The following MAMDC2 variants were observed in gnomAD, a reference collection of about 807,000 sequenced individuals.
The protein encoded by MAMDC2 is MAM domain-containing protein 2.
In MAMDC2, 57 loss-of-function variants were observed where a neutral mutation model predicts 89.8. The ratio of observed to expected loss-of-function variants is 0.63; its 90% CI spans 0.51 to 0.79. The LOEUF is 0.79. MAMDC2 is among the 30% of genes least tolerant of loss of function. MAMDC2 has a pLI of 0.00. For synonymous variants in MAMDC2, 313 were observed against 293.4 expected, an observed-to-expected ratio of 1.07 and a Z score of -0.68; for missense variants, 800 against 820.6, an observed-to-expected ratio of 0.97 and a Z score of 0.31.
intron 2 of MAMDC2, among the ~76,000 whole-genome samples, chr9:70,070,398 G>A (rs1325870635): frequency 6.6e-6 from 1 of 152,172 alleles, no homozygotes; most frequent in African/African-American, 2.4e-5. Flanking sequence ...GGAGAGCGGA[G>A]TTTCCTTATC....
intron 4 of MAMDC2, among the ~76,000 whole-genome samples, chr9:70,111,426 T>C (rs1828508431): frequency 6.6e-6 from 1 of 152,234 alleles, no homozygotes; most frequent in South Asian, 2.1e-4. Flanking sequence ...GACTTCTTTC[T>C]TTCTGGGTAC....
intron 6 of MAMDC2, among the ~76,000 whole-genome samples, chr9:70,127,763 A>G (rs895783125): frequency 2.0e-5 from 3 of 151,308 alleles, no homozygotes; most frequent in Non-Finnish European, 2.9e-5. Context: ...CCAAAGTCCA[A>G]CCAGGTCTCG....
At chr9:70,142,624 G>A (rs772760411) in intron 8 of MAMDC2, among the ~76,000 whole-genome samples, 2 of 152,156 alleles carry the variant, frequency 1.3e-5, no homozygotes, top group Non-Finnish European at 2.9e-5. Context: ...TGCCATCAGG[G>A]TGGTTTCTGG....
chr9:70,092,873 A>G (rs1827936335), intron 2 of MAMDC2: 1 of 152,122 alleles, frequency 6.6e-6, no homozygotes, highest in Non-Finnish European at 1.5e-5. Flanking sequence ...CGCTCCCACC[A>G]TCGTAAGTCA....
At chr9:70,099,745 C>G (rs188989545) in intron 2 of MAMDC2, among the ~76,000 whole-genome samples, 1 of 151,996 alleles carries the variant, frequency 6.6e-6, no homozygotes. Context: ...GAGGCCGAGG[C>G]GGGTGGATCA....
intron 12 of MAMDC2, among the ~76,000 whole-genome samples, chr9:70,220,537 G>A (rs753009096): frequency 2.0e-5 from 3 of 152,202 alleles, no homozygotes; most frequent in Non-Finnish European, 1.5e-5. Flanking sequence ...ATATACTCAT[G>A]TGCACATAGA....
chr9:70,171,624 C>A (rs2032351673), intron 11 of MAMDC2, among the ~76,000 whole-genome samples: 1 of 152,154 alleles, frequency 6.6e-6, no homozygotes, highest in Non-Finnish European at 1.5e-5. Flanking sequence ...AGCAGAACTA[C>A]CCCTGATACT....
Position 70,205,010 on chromosome 9 carries a change from C to T in MAMDC2, c.1652-13327C>T, listed in dbSNP as rs138203079. 2.2e-3 allele frequency among the ~76,000 whole-genome samples: 333 copies of T among 152,336 alleles called. 2 individuals carry two copies. Among genetic ancestry groups the T allele is most frequent in the African/African-American group, 7.6e-3 (318 of 41,588 alleles). Reference sequence around the variant, plus strand: ...CTCAGATGGAAATGCAGAAATCACCCGTCTTCTGCCTCGCTCACGCTGGGA... The same window carrying T: ...CTCAGATGGAAATGCAGAAATCACCTGTCTTCTGCCTCGCTCACGCTGGGA... On this transcript the variant is annotated intron_variant, in intron 11 of 13. Transcript: ENST00000377182.
At chr9:70,220,918 A>G (rs2033544050) in intron 12 of MAMDC2, among the ~76,000 whole-genome samples, 1 of 152,182 alleles carries the variant, frequency 6.6e-6, no homozygotes, top group African/African-American at 2.4e-5. Flanking sequence ...AAAGGGTTTT[A>G]TAAACTTTAA....
At chr9:70,170,362 G>A (rs2032298720) in intron 10 of MAMDC2, 117 bp from the exon 11 acceptor site, 3 of 1,191,046 alleles carry the variant, frequency 2.5e-6, no homozygotes, top group African/African-American at 1.5e-5. Context: ...AGTGGGGGCT[G>A]CCTCTCCATC....
chr9:70,198,145 A>T (rs2033010257), intron 11 of MAMDC2, among the ~76,000 whole-genome samples: 1 of 135,862 alleles, frequency 7.4e-6, no homozygotes, highest in Non-Finnish European at 1.6e-5. Flanking sequence ...AGAAAAAAGC[A>T]TAGTGTGTAT....
intron 2 of MAMDC2, among the ~76,000 whole-genome samples, chr9:70,058,251 G>A (rs958252806): frequency 3.3e-5 from 5 of 152,112 alleles, no homozygotes; most frequent in Non-Finnish European, 1.5e-5. Flanking sequence ...TACAGATGAA[G>A]AAATTGGGAT....
At chr9:70,074,454 T>C (rs1488950184) in intron 2 of MAMDC2, among the ~76,000 whole-genome samples, 2 of 152,142 alleles carry the variant, frequency 1.3e-5, no homozygotes, top group Admixed American at 6.5e-5. Flanking sequence ...ACCCTGAGGG[T>C]AAGTGGCTCT....
chr9:70,210,699 T>C (rs1366112681), intron 11 of MAMDC2, among the ~76,000 whole-genome samples: 1 of 152,234 alleles, frequency 6.6e-6, no homozygotes. Flanking sequence ...ATTTTGTTCA[T>C]TAGTTGATGC....
At chr9:70,083,410 C>T (rs1024088270) in intron 2 of MAMDC2, 1 of 151,938 alleles carries the variant, frequency 6.6e-6, no homozygotes, top group Non-Finnish European at 1.5e-5. Context: ...AAGTGTTGCT[C>T]ATTCTATAGC....
intron 2 of MAMDC2, among the ~76,000 whole-genome samples, chr9:70,100,021 A>AGC (rs1554670015): frequency 2.6e-4 from 38 of 144,526 alleles, no homozygotes; most frequent in South Asian, 6.8e-4. Context: ...AGAGAGAGAG[A>AGC]GAGCACAAGC....
intron 11 of MAMDC2, among the ~76,000 whole-genome samples, chr9:70,173,368 G>GGAAT (rs748064541): frequency 2.6e-5 from 4 of 152,068 alleles, no homozygotes; most frequent in African/African-American, 7.2e-5. Flanking sequence ...AAATGCCTAT[G>GGAAT]GAATGAATGA....
At chr9:70,052,774 T>C (rs1826941407) in intron 2 of MAMDC2, among the ~76,000 whole-genome samples, 1 of 150,686 alleles carries the variant, frequency 6.6e-6, no homozygotes, top group Admixed American at 6.6e-5. Flanking sequence ...GTAAAAGAGG[T>C]TGTGTTTAGT....
At chr9:70,137,066 C>T (rs892990443) in intron 7 of MAMDC2, among the ~76,000 whole-genome samples, 2 of 152,130 alleles carry the variant, frequency 1.3e-5, no homozygotes, top group Admixed American at 6.5e-5. Flanking sequence ...TAGGGTATAT[C>T]CCCTGAGATA....
Sources: allele counts gnomAD v4.1 joint callset (sites outside exome capture counted in the v4.1 genomes callset), GRCh38; gene constraint gnomAD v4.1.1; transcripts MANE v1.5; gene names NCBI Gene and HGNC (gene_info 2026-07-23, HGNC 2026-07-21).